The following PALM2AKAP2 variants were observed in gnomAD, a reference collection of about 807,000 sequenced individuals.
PALM2AKAP2 encodes PALM2 and AKAP2 fusion.
Under a neutral mutation model 71.5 loss-of-function variants are expected in PALM2AKAP2, and 37 were observed. The observed-to-expected ratio is 0.52, with a 90% CI of 0.40 to 0.68. The LOEUF (loss-of-function observed/expected upper bound fraction) is 0.68. Ranked by LOEUF, PALM2AKAP2 falls within the 30% of genes least tolerant of loss-of-function variation. The pLI, the probability that PALM2AKAP2 is intolerant of heterozygous loss-of-function variation, is 0.00. For synonymous variants in PALM2AKAP2, 468 were observed against 478.8 expected, an observed-to-expected ratio of 0.98 and a Z score of 0.29; for missense variants, 1,224 against 1,191.8, an observed-to-expected ratio of 1.03 and a Z score of -0.40.
At chr9:109,774,126 A>C (rs1020724509) in intron 1 of PALM2AKAP2, among the ~76,000 whole-genome samples, 2 of 152,224 alleles carry the variant, frequency 1.3e-5, no homozygotes, top group Non-Finnish European at 2.9e-5. Flanking sequence ...AACATGGTTA[A>C]CAATGAAAGT....
intron 7 of PALM2AKAP2, among the ~76,000 whole-genome samples, chr9:110,040,556 C>G (rs1833493836): frequency 6.6e-6 from 1 of 152,182 alleles, no homozygotes; most frequent in African/African-American, 2.4e-5. Context: ...GTCTTTTTCC[C>G]CCTAATATGA....
At chr9:110,023,577 G>T (rs892332742) in intron 7 of PALM2AKAP2, among the ~76,000 whole-genome samples, 1 of 151,862 alleles carries the variant, frequency 6.6e-6, no homozygotes, top group African/African-American at 2.4e-5. Flanking sequence ...GCCTCACAAA[G>T]TGCTGGGATT....
intron 3 of PALM2AKAP2, among the ~76,000 whole-genome samples, chr9:109,916,824 G>A: frequency 6.6e-6 from 1 of 152,152 alleles, no homozygotes; most frequent in East Asian, 1.9e-4. Flanking sequence ...CTCTCTTTCT[G>A]CACACTCAGA....
intron 1 of PALM2AKAP2, among the ~76,000 whole-genome samples, chr9:109,691,909 CACATAT>C (rs1202854066): frequency 4.5e-5 from 4 of 89,084 alleles, no homozygotes; most frequent in African/African-American, 2.0e-4. Context: ...TATACACACA[CACATAT>C]ATATATATAC....
chr9:110,156,449 C>T, exon 3 of PALM2AKAP2: 1 of 1,611,976 alleles, frequency 6.2e-7, no homozygotes. Flanking sequence ...TCATGGAAGA[C>T]TATGAGACAC....
intron 6 of PALM2AKAP2, among the ~76,000 whole-genome samples, chr9:109,952,762 TAGGTAGGCTGG>T (rs1157920603): frequency 2.6e-5 from 4 of 152,360 alleles, no homozygotes; most frequent in Admixed American, 2.0e-4. Flanking sequence ...AATGTGTAGT[TAGGTAGGCTGG>T]AACCATGATA....
At chr9:109,998,419 G>A (rs759401245) in intron 6 of PALM2AKAP2, among the ~76,000 whole-genome samples, 8 of 152,106 alleles carry the variant, frequency 5.3e-5, no homozygotes, top group Non-Finnish European at 1.2e-4. Context: ...TGATGAGGAC[G>A]AGAATAATCA....
At position 109,923,775 on chromosome 9, in the gene PALM2AKAP2, C is replaced by T. The variant is rs1453928007; in HGVS notation, c.298C>T (p.Gln100Ter). 3 of 1,605,546 alleles carry T rather than the reference C, an allele frequency of 1.9e-6. No homozygotes were observed. The highest frequency in any genetic ancestry group is 2.5e-6 in the Non-Finnish European group (3 of 1,177,676). ...ACAAACGCTAGAAAGTGAAGAGTCCCAGATATCTGCCAAAGAGCAAATCAT... is the reference window on the plus strand; with the variant it reads ...ACAAACGCTAGAAAGTGAAGAGTCCTAGATATCTGCCAAAGAGCAAATCAT... The change falls in exon 4 of 10, where the codon CAG (glutamine) becomes TAG (stop). Residue 100 changes from glutamine (Q) to a stop codon, truncating the protein, a stop_gained. Transcript: ENST00000302798. LOFTEE classifies it high-confidence loss of function.
chr9:109,955,155 G>A (rs1831723427), intron 6 of PALM2AKAP2, among the ~76,000 whole-genome samples: 2 of 152,252 alleles, frequency 1.3e-5, no homozygotes, highest in South Asian at 2.1e-4. Context: ...TAAGTCCTAG[G>A]TGGAAATGGG....
intron 6 of PALM2AKAP2, among the ~76,000 whole-genome samples, chr9:109,933,035 C>T (rs536549113): frequency 2.0e-5 from 3 of 152,312 alleles, no homozygotes; most frequent in East Asian, 1.9e-4. Context: ...ATAGTTGTCA[C>T]GTCCACTGGC....
intron 1 of PALM2AKAP2, among the ~76,000 whole-genome samples, chr9:109,785,625 G>A (rs147967428): frequency 7.9e-5 from 12 of 152,342 alleles, no homozygotes; most frequent in African/African-American, 2.9e-4. Context: ...GGAAATGAGA[G>A]CTTGTGCAGG....
chr9:110,048,521 G>A, upstream of PALM2AKAP2: 4 of 595,314 alleles, frequency 6.7e-6, no homozygotes, highest in South Asian at 6.5e-5. Context: ...CATCGATTCC[G>A]CCGAAGCCAC....
intron 3 of PALM2AKAP2, among the ~76,000 whole-genome samples, chr9:109,891,546 G>A (rs537551235): frequency 7.2e-5 from 11 of 152,024 alleles, no homozygotes; most frequent in Non-Finnish European, 1.6e-4. Context: ...GGAGTGCATT[G>A]GCAGAATCTC....
At chr9:109,886,496 A>G (rs867197789) in intron 3 of PALM2AKAP2, among the ~76,000 whole-genome samples, 33 of 152,172 alleles carry the variant, frequency 2.2e-4, no homozygotes, top group African/African-American at 7.7e-4. Flanking sequence ...TCCCAACCTT[A>G]TCAGTTGGGG....
chr9:109,937,377 A>G (rs1017523173), intron 6 of PALM2AKAP2, among the ~76,000 whole-genome samples: 2 of 152,206 alleles, frequency 1.3e-5, no homozygotes, highest in Non-Finnish European at 1.5e-5. Context: ...CCTATTGATG[A>G]AAGAATTATT....
intron 7 of PALM2AKAP2, among the ~76,000 whole-genome samples, chr9:110,039,359 A>G (rs1283245289): frequency 6.6e-6 from 1 of 152,244 alleles, no homozygotes; most frequent in East Asian, 1.9e-4. Context: ...TTTTTTTGAT[A>G]GAAGAAATCA....
chr9:110,039,061 C>A (rs745933191), intron 7 of PALM2AKAP2, among the ~76,000 whole-genome samples: 29 of 151,800 alleles, frequency 1.9e-4, no homozygotes, highest in Non-Finnish European at 3.8e-4. Flanking sequence ...CCAGCCTGTG[C>A]AACATGGGGA....
chr9:109,705,242 C>T (rs1179062203), intron 1 of PALM2AKAP2, among the ~76,000 whole-genome samples: 1 of 152,180 alleles, frequency 6.6e-6, no homozygotes, highest in Non-Finnish European at 1.5e-5. Context: ...CCACATATAA[C>T]TCACTCTTTC....
rs529883891 is a variant in PALM2AKAP2, at chr9:110,116,035, G to C, written c.157-20092G>C. Among the ~76,000 whole-genome samples the C allele has an allele frequency of 2.0e-5, 3 of 152,250 alleles. No homozygotes were observed. In the East Asian group the frequency reaches 5.8e-4, roughly 29 times the overall value. ...GGAAGAACATGGTGGGTAAATCTAC[G>C]AGAGAGACCTGTTCTGTTCCCTGGA... On this transcript the variant is annotated intron_variant, in intron 1 of 3. Transcript: ENST00000374525.
Sources: gnomAD v4.1 joint callset for allele counts (sites outside exome capture counted in the v4.1 genomes callset) on GRCh38, gnomAD v4.1.1 for gene constraint, MANE v1.5 for transcripts, NCBI Gene and HGNC (gene_info 2026-07-23, HGNC 2026-07-21) for gene names.